Variants in COL19A1 observed in about 807,000 individuals in gnomAD.
COL19A1 encodes collagen alpha-1(XIX) chain.
A neutral mutation model predicts 190.2 loss-of-function variants in COL19A1; 159 were observed. The ratio of observed to expected loss-of-function variants is 0.84; its 90% confidence interval spans 0.73 to 0.95. COL19A1 has a LOEUF of 0.95. COL19A1 is among the 40% of genes least tolerant of loss of function. The pLI is 0.00. For synonymous variants in COL19A1, 509 were observed against 458.9 expected, an observed-to-expected ratio of 1.11 and a Z score of -1.39; for missense variants, 1,418 against 1,431.9, an observed-to-expected ratio of 0.99 and a Z score of 0.16.
chr6:70,094,009 A>G (rs1427716658), intron 15 of COL19A1, among the ~76,000 whole-genome samples: 1 of 152,130 alleles, frequency 6.6e-6, no homozygotes, highest in Non-Finnish European at 1.5e-5. Flanking sequence ...GCTGAATTGC[A>G]TTTTCTTCTC....
intron 1 of COL19A1, among the ~76,000 whole-genome samples, chr6:69,872,237 G>A (rs1053424346): frequency 2.0e-5 from 3 of 152,166 alleles, no homozygotes; most frequent in Non-Finnish European, 4.4e-5. Context: ...TGTGACCAGA[G>A]TGGTACAATG....
chr6:70,055,972 G>A (rs1479660781), intron 14 of COL19A1, among the ~76,000 whole-genome samples: 1 of 151,622 alleles, frequency 6.6e-6, no homozygotes, highest in African/African-American at 2.4e-5. Flanking sequence ...TTCTCATTGA[G>A]TTTCTTGTTT....
intron 15 of COL19A1, among the ~76,000 whole-genome samples, chr6:70,078,516 G>C (rs954071226): frequency 6.6e-6 from 1 of 152,176 alleles, no homozygotes; most frequent in African/African-American, 2.4e-5. Flanking sequence ...TGCCCTCACA[G>C]GGTGGGGAGA....
At chr6:69,976,911 T>A (rs903385049) in intron 11 of COL19A1, among the ~76,000 whole-genome samples, 44 of 152,300 alleles carry the variant, frequency 2.9e-4, no homozygotes, top group African/African-American at 1.0e-3. Flanking sequence ...GAATACCACC[T>A]GACCAAAAGC....
intron 48 of COL19A1, among the ~76,000 whole-genome samples, chr6:70,192,054 GTTGTTGTT>G (rs1011602706): frequency 6.6e-6 from 1 of 151,896 alleles, no homozygotes; most frequent in African/African-American, 2.4e-5. Flanking sequence ...GTTTTTTGTT[GTTGTTGTT>G]TGGTTGGTTG....
chr6:70,046,940 A>C lies in COL19A1; in HGVS notation c.1170+11001A>C, dbSNP rs79642805. On this transcript the variant is annotated intron_variant, in intron 14 of 50. Coordinates refer to ENST00000620364, the MANE Select transcript of COL19A1 (RefSeq NM_001858.6). ...ACAACAAAGAAAAATTCCCTTATAA[A>C]TATGTTTTTCATATATATGTACCAA... Among the ~76,000 whole-genome samples the C allele has an allele frequency of 1.1e-4, 16 of 152,234 alleles. No homozygotes were observed. The East Asian group carries it at 3.1e-3, about 29-fold the overall frequency.
intron 11 of COL19A1, among the ~76,000 whole-genome samples, chr6:69,977,606 G>C (rs181703898): frequency 2.8e-3 from 424 of 151,876 alleles, no homozygotes; most frequent in Non-Finnish European, 5.0e-3. Flanking sequence ...AAAGGTTCAG[G>C]CTGGCTTAGG....
intron 4 of COL19A1, among the ~76,000 whole-genome samples, chr6:69,921,770 ATATGTATATTCG>A (rs1389260714): frequency 6.8e-6 from 1 of 146,450 alleles, no homozygotes; most frequent in Non-Finnish European, 1.5e-5. Context: ...GTAGATTCGT[ATATGTATATTCG>A]TATGTAGATT....
chr6:69,966,724 C>T (rs1417515634), intron 11 of COL19A1, among the ~76,000 whole-genome samples: 93 of 151,228 alleles, frequency 6.1e-4, no homozygotes, highest in African/African-American at 2.2e-3. Context: ...CCTATGACCC[C>T]GCCAAATCCC....
intron 31 of COL19A1, among the ~76,000 whole-genome samples, chr6:70,151,991 T>C (rs1787091269): frequency 6.7e-6 from 1 of 149,530 alleles, no homozygotes; most frequent in South Asian, 2.1e-4. Flanking sequence ...CTACCTATTA[T>C]CGTCTCAGGG....
chr6:70,199,810 G>A, intron 49 of COL19A1, 74 bp downstream of exon 49: 1 of 1,448,818 alleles, frequency 6.9e-7, no homozygotes, highest in Non-Finnish European at 9.3e-7. Flanking sequence ...TCACAGTTAA[G>A]GAAAAAAGTA....
intron 4 of COL19A1, among the ~76,000 whole-genome samples, chr6:69,908,185 A>G (rs1417577): frequency 0.16 from 24,828 of 152,192 alleles, 2,577 homozygotes; most frequent in African/African-American, 0.28. Flanking sequence ...AAGTTCTCAA[A>G]ACAAATTCAG....
chr6:70,137,371 C>T (rs1210991325), intron 18 of COL19A1, among the ~76,000 whole-genome samples: 1 of 152,064 alleles, frequency 6.6e-6, no homozygotes, highest in Admixed American at 6.6e-5. Context: ...TTTGGCACAC[C>T]AGAACAAAAT....
chr6:70,072,418 C>A (rs1781613718), intron 15 of COL19A1, among the ~76,000 whole-genome samples: 1 of 152,126 alleles, frequency 6.6e-6, no homozygotes, highest in Non-Finnish European at 1.5e-5. Context: ...CTAGTTACTG[C>A]CGCAAACAGA....
intron 14 of COL19A1, among the ~76,000 whole-genome samples, chr6:70,038,714 A>T (rs1779482117): frequency 6.6e-6 from 1 of 152,162 alleles, no homozygotes; most frequent in Non-Finnish European, 1.5e-5. Flanking sequence ...GCATATTTTT[A>T]TTCCTAAGTC....
Position 70,208,104 on chromosome 6 carries a change from C to T in COL19A1, c.*830C>T, listed in dbSNP as rs1768004268. 6.6e-6 allele frequency: 1 copy of T among 152,272 alleles called. No homozygotes were observed. Among genetic ancestry groups the T allele is most frequent in the East Asian group, 1.9e-4 (1 of 5,180 alleles). 9.4% of individuals were successfully genotyped at this position (152,272 alleles called of 1,614,324 possible). The stretch of plus-strand genomic sequence containing the variant: ...CATTTGGTAAACAGAAAGCTGTTTT[C>T]CCTACAAGGTGCTTGGTGGTGAAGC... On this transcript the variant is annotated 3_prime_UTR_variant, in exon 51 of 51. Transcript: ENST00000620364.
At chr6:70,110,068 G>T (rs1221611437) in intron 16 of COL19A1, among the ~76,000 whole-genome samples, 1 of 152,152 alleles carries the variant, frequency 6.6e-6, no homozygotes, top group African/African-American at 2.4e-5. Context: ...TCAGCATATA[G>T]CAGGACCCAC....
chr6:70,037,407 C>T (rs1779410327), intron 14 of COL19A1, among the ~76,000 whole-genome samples: 2 of 152,036 alleles, frequency 1.3e-5, no homozygotes, highest in South Asian at 4.1e-4. Flanking sequence ...CCGCCCACTT[C>T]GGCCTCCCAA....
chr6:70,037,445 T>G (rs1291834720), intron 14 of COL19A1, among the ~76,000 whole-genome samples: 1 of 152,130 alleles, frequency 6.6e-6, no homozygotes, highest in African/African-American at 2.4e-5. Context: ...CTTGAGCCAC[T>G]GTGCCCAGCC....
Sources: gnomAD v4.1 joint callset for allele counts (sites outside exome capture counted in the v4.1 genomes callset) on GRCh38, gnomAD v4.1.1 for gene constraint, MANE v1.5 for transcripts, NCBI Gene and HGNC (gene_info 2026-07-23, HGNC 2026-07-21) for gene names.